The following BORCS5 variants were observed in gnomAD, a reference collection of about 807,000 sequenced individuals.
The protein encoded by BORCS5 is BLOC-1-related complex subunit 5.
Under a neutral mutation model 22.1 loss-of-function variants are expected in BORCS5, and 17 were observed. That is an observed-to-expected ratio of 0.77 (90% CI 0.53 to 1.15). The LOEUF (loss-of-function observed/expected upper bound fraction) is 1.15, where lower values mean the gene tolerates loss of function less well. BORCS5 is among the 50% of genes most tolerant of loss of function. The probability of loss-of-function intolerance (pLI) is 0.00; values close to 1 mark genes in which losing one functional copy is unlikely to be tolerated. For missense variants in BORCS5, 247 were observed against 253.2 expected, an observed-to-expected ratio of 0.98 and a Z score of 0.17; for synonymous variants, 117 against 99.8, an observed-to-expected ratio of 1.17 and a Z score of -1.03.
At chr12:12,365,517 A>G (rs1259187870) in intron 2 of BORCS5, among the ~76,000 whole-genome samples, 1 of 151,912 alleles carries the variant, frequency 6.6e-6, no homozygotes, top group Non-Finnish European at 1.5e-5. Context: ...AGTTTGTATA[A>G]TTCATCCCCC....
chr12:12,465,476 C>A, intron 3 of BORCS5, 70 bp from the exon 4 acceptor site: 1 of 1,352,840 alleles, frequency 7.4e-7, no homozygotes, highest in Non-Finnish European at 1.0e-6. Flanking sequence ...CCCTCACAGG[C>A]TGGACACCCG....
chr12:12,410,077 G>GT (rs1282878007), intron 2 of BORCS5, among the ~76,000 whole-genome samples: 1 of 151,574 alleles, frequency 6.6e-6, no homozygotes, highest in Non-Finnish European at 1.5e-5. Context: ...TGATGGGGTT[G>GT]TTTTTTTCTT....
At chr12:12,418,987 A>C (rs1454061503) in intron 2 of BORCS5, among the ~76,000 whole-genome samples, 2 of 151,912 alleles carry the variant, frequency 1.3e-5, no homozygotes, top group South Asian at 2.1e-4. Context: ...GATTTTTTGC[A>C]GTGAAACATT....
At chr12:12,450,653 G>A (rs1428270015) in intron 3 of BORCS5, among the ~76,000 whole-genome samples, 1 of 152,160 alleles carries the variant, frequency 6.6e-6, no homozygotes, top group East Asian at 1.9e-4. Flanking sequence ...TAATTGAAAT[G>A]AGCTGACTTT....
chr12:12,411,066 A>G (rs1224152194), intron 2 of BORCS5, among the ~76,000 whole-genome samples: 9 of 152,158 alleles, frequency 5.9e-5, no homozygotes, highest in Non-Finnish European at 1.5e-5. Flanking sequence ...ATTTTTGCAC[A>G]TGGATTTTGT....
At chr12:12,435,476 A>C (rs1443803523) in intron 2 of BORCS5, 152 bp from the exon 3 acceptor site, 1 of 702,982 alleles carries the variant, frequency 1.4e-6, no homozygotes, top group African/African-American at 1.8e-5. Flanking sequence ...TGCCCCATAA[A>C]TAATAATTGC....
At chr12:12,451,453 T>C (rs149415365) in intron 3 of BORCS5, among the ~76,000 whole-genome samples, 11 of 149,774 alleles carry the variant, frequency 7.3e-5, no homozygotes, top group Non-Finnish European at 1.5e-4. Context: ...TAAAGAAATA[T>C]CTCAAACACT....
intron 3 of BORCS5, among the ~76,000 whole-genome samples, chr12:12,443,826 G>C (rs571848855): frequency 6.6e-6 from 1 of 152,310 alleles, no homozygotes; most frequent in Non-Finnish European, 1.5e-5. Context: ...AGCTTTCCCA[G>C]TGCCAGGTTC....
At chr12:12,359,655 C>T (rs1278025831) in intron 1 of BORCS5, among the ~76,000 whole-genome samples, 3 of 147,388 alleles carry the variant, frequency 2.0e-5, no homozygotes, top group Non-Finnish European at 3.0e-5. Context: ...AGCCACCGTG[C>T]CCAGCCGCCT....
chr12:12,455,075 A>G (rs1942974379), intron 3 of BORCS5, among the ~76,000 whole-genome samples: 1 of 152,254 alleles, frequency 6.6e-6, no homozygotes, highest in East Asian at 1.9e-4. Flanking sequence ...TATTATTTGA[A>G]TAGCTGTAAA....
intron 2 of BORCS5, among the ~76,000 whole-genome samples, chr12:12,425,401 C>CT (rs1442076385): frequency 2.6e-5 from 2 of 76,428 alleles, no homozygotes; most frequent in Non-Finnish European, 5.1e-5. Flanking sequence ...TTTTTAGTTA[C>CT]TTTTTTTAGG....
chr12:12,382,886 T>G (rs1863804772), intron 2 of BORCS5, among the ~76,000 whole-genome samples: 2 of 151,380 alleles, frequency 1.3e-5, no homozygotes, highest in Admixed American at 6.6e-5. Context: ...TCTTTGAATC[T>G]AAGGTGTGTC....
chr12:12,464,627 G>A (rs1330187174), intron 3 of BORCS5, among the ~76,000 whole-genome samples: 3 of 152,098 alleles, frequency 2.0e-5, no homozygotes, highest in African/African-American at 7.2e-5. Context: ...GGTGGAAGTG[G>A]GGTCCATGCT....
At position 12,421,785 on chromosome 12, in the gene BORCS5, G is replaced by T. The variant is rs188774222; in HGVS notation, c.203-13843G>T. On this transcript the variant is annotated intron_variant, in intron 2 of 3. Coordinates refer to ENST00000314565, the MANE Select transcript of BORCS5 (RefSeq NM_058169.6). ...TCTTCCTGGTTTAGTCTTGGGAGGG[G>T]GTATGTGTCCAGGAATTTATCCATT... Among the ~76,000 whole-genome samples, 335 of 152,078 alleles carry T rather than the reference G, an allele frequency of 2.2e-3. 3 individuals carry two copies. Among genetic ancestry groups the T allele is most frequent in the African/African-American group, 6.9e-3 (286 of 41,508 alleles).
intron 2 of BORCS5, among the ~76,000 whole-genome samples, chr12:12,372,284 C>T (rs1441479919): frequency 6.6e-6 from 1 of 152,196 alleles, no homozygotes; most frequent in African/African-American, 2.4e-5. Flanking sequence ...AGGTGATCCA[C>T]CTGCCTCGGC....
intron 1 of BORCS5, among the ~76,000 whole-genome samples, chr12:12,357,922 T>C (rs946141133): frequency 6.6e-6 from 1 of 152,234 alleles, no homozygotes; most frequent in African/African-American, 2.4e-5. Context: ...AAGGGATATG[T>C]GATAGGTGTC....
rs1223169572 is a variant in BORCS5 at position 12,465,515 on chromosome 12, G to C, written c.361-31G>C. On this transcript the variant is annotated intron_variant, in intron 3 of 3. Coordinates refer to ENST00000314565, the MANE Select transcript of BORCS5 (RefSeq NM_058169.6). ...CTGCGGAGAGGACTTGATTAAACAA[G>C]GTATAATGTACTTCTCTTTCCCATC... 5 of 1,588,820 alleles carry C rather than the reference G, an allele frequency of 3.1e-6. No individual in the cohort carries two copies. The Admixed American group carries it at 5.0e-5, about 16-fold the overall frequency.
At chr12:12,387,881 C>A (rs752230582) in intron 2 of BORCS5, among the ~76,000 whole-genome samples, 1 of 151,314 alleles carries the variant, frequency 6.6e-6, no homozygotes, top group Non-Finnish European at 1.5e-5. Context: ...TGAATCCCCA[C>A]GATTAACACA....
intron 2 of BORCS5, among the ~76,000 whole-genome samples, chr12:12,373,286 G>C (rs991170134): frequency 1.3e-5 from 2 of 152,210 alleles, no homozygotes; most frequent in Admixed American, 1.3e-4. Context: ...AGAACTGTGA[G>C]AAATAAATGT....
Sources: gnomAD v4.1 joint callset for allele counts (sites outside exome capture counted in the v4.1 genomes callset) on GRCh38, gnomAD v4.1.1 for gene constraint, MANE v1.5 for transcripts, NCBI Gene and HGNC (gene_info 2026-07-23, HGNC 2026-07-21) for gene names.